EBF3: variants seen among roughly 807,000 people sequenced by gnomAD.
EBF3 encodes EBF transcription factor 3.
EBF3 carries 18 observed loss-of-function variants against 77.1 expected under a neutral mutation model. That is an observed-to-expected ratio of 0.23 (90% CI 0.16 to 0.35). The LOEUF is 0.35. Ranked by LOEUF, EBF3 falls within the 10% of genes least tolerant of loss-of-function variation. The pLI, the probability that EBF3 is intolerant of heterozygous loss-of-function variation, is 1.00. For missense variants in EBF3, 558 were observed against 860.0 expected (o/e 0.65, Z 4.39); for synonymous variants, 350 against 343.5 (o/e 1.02, Z -0.21).
At chr10:129,839,354 C>A (rs1488665104) in intron 15 of EBF3, among the ~76,000 whole-genome samples, 159 bp from the exon 16 acceptor site, 1 of 152,222 alleles carries the variant, frequency 6.6e-6, no homozygotes, top group Non-Finnish European at 1.5e-5. Context: ...GGCCTCAGCA[C>A]CTCACAAAGG....
chr10:129,873,650 C>A, intron 7 of EBF3, 54 bp from the exon 8 acceptor site: 1 of 1,437,368 alleles, frequency 7.0e-7, no homozygotes, highest in Non-Finnish European at 9.2e-7. Context: ...AGCAGAGCCC[C>A]CTGTTAGGCA....
At chr10:129,868,690 C>T (rs1409682050) in intron 8 of EBF3, among the ~76,000 whole-genome samples, 1 of 152,218 alleles carries the variant, frequency 6.6e-6, no homozygotes, top group African/African-American at 2.4e-5. Context: ...GGGAGACAGG[C>T]AGGCAGGAGT....
At chr10:129,930,849 T>G (rs1856975069) in intron 6 of EBF3, among the ~76,000 whole-genome samples, 1 of 150,808 alleles carries the variant, frequency 6.6e-6, no homozygotes, top group Admixed American at 6.6e-5. Context: ...TCTGTCTATA[T>G]CTATCTCTAT....
Position 129,842,426 on chromosome 10 carries a change from C to A in EBF3, c.1195-133G>T. ...ATGACCAAATCTATTTCTTAATGGG[C>A]AAAGAGCTTCCCCTAGAAAATCATT... is the stretch of plus-strand genomic sequence containing the variant. On this transcript the variant is annotated intron_variant, in intron 12 of 16. Transcript: ENST00000440978. The surrounding 1 kb of genome is among the most constrained non-coding windows in gnomAD (Gnocchi z 4.4). The A allele has an allele frequency of 3.9e-6, 4 of 1,028,024 alleles. No individual in the cohort carries two copies. The highest frequency in any genetic ancestry group is 5.5e-6 in the Non-Finnish European group (4 of 731,902). 63.7% of individuals were successfully genotyped at this position (1,028,024 alleles called of 1,614,324 possible).
chr10:129,951,190 A>G (rs1858650206), intron 6 of EBF3, among the ~76,000 whole-genome samples: 2 of 152,166 alleles, frequency 1.3e-5, no homozygotes, highest in South Asian at 2.1e-4. Context: ...GCCAGCCCCA[A>G]TTATCTTCTG....
At chr10:129,919,464 G>A (rs1856119414) in intron 6 of EBF3, among the ~76,000 whole-genome samples, 4 of 152,124 alleles carry the variant, frequency 2.6e-5, no homozygotes, top group African/African-American at 9.7e-5. Context: ...CACGGAGCCT[G>A]GGGTACATTC....
Position 129,943,925 on chromosome 10 carries a change from G to A in EBF3, c.554+13333C>T, listed in dbSNP as rs1857985111. Among the ~76,000 whole-genome samples the A allele has an allele frequency of 6.6e-6, 1 of 152,190 alleles. No individual in the cohort carries two copies. Among genetic ancestry groups the A allele is most frequent in the African/African-American group, 2.4e-5 (1 of 41,438 alleles). On this transcript the variant is annotated intron_variant, in intron 6 of 16. Transcript: ENST00000440978. This position sits in a 1 kb window ranked among gnomAD's most constrained non-coding sequence, Gnocchi z 8.8. ...AACCGTAAAATGCTCGGTAAAACCA[G>A]TCGCTCTGAGGGTGCAGCGCGTGTG... is the stretch of plus-strand genomic sequence containing the variant.
chr10:129,954,901 A>T (rs1858928935), intron 6 of EBF3, among the ~76,000 whole-genome samples: 1 of 152,126 alleles, frequency 6.6e-6, no homozygotes, highest in Non-Finnish European at 1.5e-5. Flanking sequence ...TAAGCAACTA[A>T]TTTTCAGAGG....
chr10:129,868,134 A>C (rs1852160633), intron 8 of EBF3, among the ~76,000 whole-genome samples: 1 of 152,272 alleles, frequency 6.6e-6, no homozygotes, highest in African/African-American at 2.4e-5. Context: ...CTAGTGAGCG[A>C]GAAAAAAATG....
intron 6 of EBF3, among the ~76,000 whole-genome samples, chr10:129,946,801 T>C (rs549889095): frequency 5.8e-4 from 89 of 152,372 alleles, no homozygotes; most frequent in African/African-American, 2.0e-3. Context: ...CACCATTTAT[T>C]AACTTGCATA....
At position 129,869,562 on chromosome 10, in the gene EBF3, T is replaced by C. The variant is rs1399919819; in HGVS notation, c.782-1650A>G. ...TTTTAGACTCTGGGTCAGATCCGGT[T>C]GCACATCTTCATAAGCGGGAGTTTT... On this transcript the variant is annotated intron_variant, in intron 8 of 16. Transcript: ENST00000440978. Among the ~76,000 whole-genome samples the C allele has an allele frequency of 2.0e-5, 3 of 152,194 alleles. No homozygotes were observed. In the East Asian group the frequency reaches 5.8e-4, roughly 29 times the overall value.
intron 6 of EBF3, among the ~76,000 whole-genome samples, chr10:129,924,446 C>CAAAAAAAAAAAAAAAAAAA: frequency 8.1e-6 from 1 of 123,398 alleles, no homozygotes; most frequent in Admixed American, 8.1e-5. Flanking sequence ...AAAAAAAAAA[C>CAAAAAAAAAAAAAAAAAAA]AAAAAACAAA....
At chr10:129,838,775 A>T (rs1391481455) in intron 16 of EBF3, among the ~76,000 whole-genome samples, 1 of 152,250 alleles carries the variant, frequency 6.6e-6, no homozygotes, top group Non-Finnish European at 1.5e-5. Context: ...ACATTTGTTC[A>T]TGTAGTGACG....
At chr10:129,959,112 C>G in intron 4 of EBF3, 105 bp from the exon 5 acceptor site, 5 of 1,374,308 alleles carry the variant, frequency 3.6e-6, no homozygotes, top group South Asian at 2.5e-5. Context: ...GCACCACGCT[C>G]GAGGGGAGGC....
At chr10:129,838,031 CG>C in intron 16 of EBF3, 71 bp from the exon 17 acceptor site, 1 of 1,579,668 alleles carries the variant, frequency 6.3e-7, no homozygotes, top group Admixed American at 1.7e-5. Context: ...CTGACGCGGG[CG>C]GGGCTGCCCT....
chr10:129,871,238 C>T (rs1376582199), intron 8 of EBF3, among the ~76,000 whole-genome samples: 1 of 152,114 alleles, frequency 6.6e-6, no homozygotes, highest in South Asian at 2.1e-4. Flanking sequence ...TACGAGGGGA[C>T]AAGTGACAAG....
intron 6 of EBF3, among the ~76,000 whole-genome samples, chr10:129,900,744 G>A (rs1029332838): frequency 1.3e-5 from 2 of 152,258 alleles, no homozygotes; most frequent in African/African-American, 2.4e-5. Context: ...CGTAGCGGGG[G>A]TGCTCCTGAA....
Position 129,840,897 on chromosome 10 carries a change from A to T in EBF3, c.1508T>A (p.Val503Asp), listed in dbSNP as rs1419753170. The change falls in exon 14 of 17, where the codon GTC becomes GAC. Residue 503 changes from valine to aspartate, a missense_variant. Physicochemically the swap from Val to Asp is radical, Grantham distance 152 (BLOSUM62 -3). This residue lies in a region of EBF3 where 284 missense variants were observed against 368.3 expected (regional missense o/e 0.77). Coordinates refer to ENST00000440978, the MANE Select transcript of EBF3 (RefSeq NM_001375380.1). ...YGSGAMASLGVPGSPGFLNGS... is the reference protein window; with the variant it reads ...YGSGAMASLGDPGSPGFLNGS... ...ATTAAGAAATCCAGGCGAGCCAGGG[A>T]CCCCTAGACTGGCCATGGCGCCACT... The T allele has an allele frequency of 6.2e-7, 1 of 1,613,626 alleles. No homozygotes were observed. The highest frequency in any genetic ancestry group is 8.5e-7 in the Non-Finnish European group (1 of 1,179,896).
At chr10:129,958,596 AGAAG>A (rs1173409393) in intron 5 of EBF3, among the ~76,000 whole-genome samples, 2 of 152,228 alleles carry the variant, frequency 1.3e-5, no homozygotes, top group African/African-American at 2.4e-5. Context: ...CGAGCGCCTG[AGAAG>A]GAAGTAGTAA....
Sources: allele counts gnomAD v4.1 joint callset (sites outside exome capture counted in the v4.1 genomes callset), GRCh38; gene constraint gnomAD v4.1.1; regional missense constraint gnomAD v4.1.1; non-coding constraint Gnocchi (gnomAD v3.1); transcripts MANE v1.5; gene names NCBI Gene and HGNC (gene_info 2026-07-23, HGNC 2026-07-21).